FRYL: variants seen among roughly 807,000 people sequenced by gnomAD.
FRYL encodes the protein protein furry homolog-like.
In FRYL, 150 loss-of-function variants were observed where a neutral mutation model predicts 351.2. The ratio of observed to expected loss-of-function variants is 0.43; its 90% CI spans 0.37 to 0.49. FRYL has a LOEUF of 0.49. Ranked by LOEUF, FRYL falls within the 20% of genes least tolerant of loss-of-function variation. The pLI, the probability that FRYL is intolerant of heterozygous loss-of-function variation, is 0.00. For missense variants in FRYL, 3,036 were observed against 3,619.3 expected, an observed-to-expected ratio of 0.84 and a Z score of 4.13; for synonymous variants, 1,153 against 1,257.1, an observed-to-expected ratio of 0.92 and a Z score of 1.75.
chr4:48,498,715 C>T lies in FRYL; in HGVS notation c.*707G>A, dbSNP rs1718916393. ...TGAAGAGTTAGATCTAATAAAATAA[C>T]ATTTCTTCAAAAATAATCTTGCAGT... is the stretch of plus-strand genomic sequence containing the variant. On this transcript the variant is annotated 3_prime_UTR_variant, in exon 64 of 64. Transcript: ENST00000358350. The T allele has an allele frequency of 6.6e-6, 1 of 152,508 alleles. No individual in the cohort carries two copies. The highest frequency in any genetic ancestry group is 1.5e-5 in the Non-Finnish European group (1 of 68,026). The allele number at this position is 152,508 out of a possible 1,614,324, so 9.4% of individuals were successfully genotyped here. A position where few individuals can be genotyped will look rare whatever the true frequency, so the allele number is the denominator to read the frequency against.
intron 13 of FRYL, chr4:48,598,691 A>T: frequency 5.6e-6 from 1 of 179,046 alleles, no homozygotes; most frequent in Non-Finnish European, 1.1e-5. Flanking sequence ...GCTGTGTGCT[A>T]CTCTTCTCTT....
chr4:48,587,791 C>T (rs752240762), intron 18 of FRYL, among the ~76,000 whole-genome samples: 6 of 152,046 alleles, frequency 3.9e-5, no homozygotes, highest in African/African-American at 1.2e-4. Flanking sequence ...GTGATACATA[C>T]GCCTCGGCCT....
At chr4:48,627,516 T>G (rs555467304) in intron 4 of FRYL, among the ~76,000 whole-genome samples, 1 of 152,166 alleles carries the variant, frequency 6.6e-6, no homozygotes, top group African/African-American at 2.4e-5. Context: ...TTCTGAAGAT[T>G]TGACATCCTC....
chr4:48,557,315 T>G, intron 34 of FRYL, 138 bp downstream of exon 34: 2 of 1,243,538 alleles, frequency 1.6e-6, no homozygotes, highest in South Asian at 1.6e-5. Flanking sequence ...TAAAAAAAAT[T>G]CATATCTAAT....
chr4:48,772,683 A>G (rs1348332271), intron 1 of FRYL, among the ~76,000 whole-genome samples: 2 of 134,428 alleles, frequency 1.5e-5, no homozygotes, highest in Non-Finnish European at 3.0e-5. Context: ...ACCTACCAAA[A>G]AAAAAAAAAA....
In FRYL at chr4:48,679,783, G is replaced by C. The variant is rs189097592; in HGVS notation, c.-81+4890C>G. On this transcript the variant is annotated intron_variant, in intron 3 of 63. Coordinates refer to ENST00000358350, the MANE Select transcript of FRYL (RefSeq NM_015030.2). ...ACTGTAAGTATCAAAACATCGCTAT[G>C]TAACCCATGAATATGTACAATTATG... is the stretch of plus-strand genomic sequence containing the variant. Among the ~76,000 whole-genome samples, 213 of 152,086 alleles carry C rather than the reference G, an allele frequency of 1.4e-3. 1 individual carries two copies. The highest frequency in any genetic ancestry group is 4.6e-3 in the African/African-American group (189 of 41,518).
At position 48,567,539 on chromosome 4, in the gene FRYL, G is replaced by GC. The variant is rs2149089318; in HGVS notation, c.2997-120dup. 3.2e-6 allele frequency: 2 copies of GC among 623,714 alleles called. No individual in the cohort carries two copies. The highest frequency in any genetic ancestry group is 5.2e-6 in the Non-Finnish European group (2 of 387,142). The allele number at this position is 623,714 out of a possible 1,614,324, so 38.6% of individuals were successfully genotyped here. ...TAATTTTGCATGCTCATGGCAGCAC[G>GC]CAACTTAATATATGAAAATTAAATG... is the stretch of plus-strand genomic sequence containing the variant. On this transcript the variant is annotated intron_variant, in intron 27 of 63. Coordinates refer to ENST00000358350, the MANE Select transcript of FRYL (RefSeq NM_015030.2). The surrounding 1 kb of genome is among the most constrained non-coding windows in gnomAD (Gnocchi z 4.2).
At chr4:48,711,012 A>G (rs1017654665) in intron 1 of FRYL, among the ~76,000 whole-genome samples, 1 of 152,256 alleles carries the variant, frequency 6.6e-6, no homozygotes, top group African/African-American at 2.4e-5. Flanking sequence ...CCTTGCCATG[A>G]AAAGGAATAA....
chr4:48,590,922 G>A, intron 16 of FRYL, 92 bp from the exon 17 acceptor site: 2 of 932,810 alleles, frequency 2.1e-6, no homozygotes, highest in Non-Finnish European at 1.6e-6. Context: ...CATCAGAGTT[G>A]GGGGGTGGAA....
intron 1 of FRYL, among the ~76,000 whole-genome samples, chr4:48,749,531 G>T (rs1773036429): frequency 6.6e-6 from 1 of 152,172 alleles, no homozygotes; most frequent in South Asian, 2.1e-4. Flanking sequence ...GCCTTGTCGG[G>T]ATCCTGGAAG....
chr4:48,502,920 T>G, intron 60 of FRYL, 75 bp from the exon 61 acceptor site: 1 of 1,146,246 alleles, frequency 8.7e-7, no homozygotes, highest in Non-Finnish European at 1.3e-6. Flanking sequence ...AGAAATCATT[T>G]TAACTAGGGT....
At chr4:48,532,272 A>G (rs916137881) in intron 49 of FRYL, among the ~76,000 whole-genome samples, 3 of 152,250 alleles carry the variant, frequency 2.0e-5, no homozygotes, top group African/African-American at 7.2e-5. Flanking sequence ...TTGAGTTCAT[A>G]ACATCTTGCT....
At chr4:48,564,502 T>C (rs1420949924) in intron 30 of FRYL, among the ~76,000 whole-genome samples, 2 of 152,176 alleles carry the variant, frequency 1.3e-5, no homozygotes, top group Non-Finnish European at 2.9e-5. Flanking sequence ...CTATTTTAAA[T>C]TGTGAAGTCT....
At chr4:48,675,354 C>T (rs1210539853) in intron 3 of FRYL, among the ~76,000 whole-genome samples, 7 of 152,210 alleles carry the variant, frequency 4.6e-5, no homozygotes, top group Non-Finnish European at 1.0e-4. Flanking sequence ...GAGGCGCGAG[C>T]GGAAACCGGG....
At position 48,525,163 on chromosome 4, in the gene FRYL, GTATATATATA is replaced by G. The variant is rs57457069; in HGVS notation, c.7318-2069_7318-2060del. ...ATTCTTGCAACTTTTATTTTTAAAG[GTATATATATA>G]TATATATATATATATATATATATAC... is the stretch of plus-strand genomic sequence containing the variant. On this transcript the variant is annotated intron_variant, in intron 53 of 63. Transcript: ENST00000358350. Among the ~76,000 whole-genome samples the G allele has an allele frequency of 1.3e-3, 181 of 139,926 alleles. 2 individuals are homozygous for G. Among genetic ancestry groups the G allele is most frequent in the African/African-American group, 4.7e-3 (167 of 35,310 alleles). 91.8% of individuals were successfully genotyped at this position (139,926 alleles called of 152,430 possible). A position where few individuals can be genotyped will look rare whatever the true frequency, so the allele number is the denominator to read the frequency against.
chr4:48,599,507 ATATT>A (rs1745275845), intron 13 of FRYL, among the ~76,000 whole-genome samples: 1 of 152,234 alleles, frequency 6.6e-6, no homozygotes, highest in African/African-American at 2.4e-5. Context: ...GAAATTCATC[ATATT>A]TATTCTTATG....
At chr4:48,634,729 A>T (rs1753895709) in intron 3 of FRYL, among the ~76,000 whole-genome samples, 1 of 152,116 alleles carries the variant, frequency 6.6e-6, no homozygotes, top group Non-Finnish European at 1.5e-5. Flanking sequence ...AAGAACAGGG[A>T]TTCTCTTTTG....
At chr4:48,677,244 C>T (rs1417870145) in intron 3 of FRYL, among the ~76,000 whole-genome samples, 1 of 152,204 alleles carries the variant, frequency 6.6e-6, no homozygotes, top group East Asian at 1.9e-4. Flanking sequence ...TTTGTTAAAT[C>T]ATAAGCATCT....
Position 48,567,130 on chromosome 4 carries a change from T to C in FRYL, c.3169+118A>G. 1 of 744,362 alleles carries C rather than the reference T, an allele frequency of 1.3e-6. No individual in the cohort carries two copies. Among genetic ancestry groups the C allele is most frequent in the South Asian group, 2.3e-5 (1 of 42,622 alleles). 46.1% of individuals were successfully genotyped at this position (744,362 alleles called of 1,614,324 possible). On this transcript the variant is annotated intron_variant, in intron 28 of 63. Coordinates refer to ENST00000358350, the MANE Select transcript of FRYL (RefSeq NM_015030.2). The surrounding 1 kb of genome is among the most constrained non-coding windows in gnomAD (Gnocchi z 4.2). Reference sequence around the variant, plus strand: ...TCCAGCCATCCAGGTTATGCTGACATATTTTTCCAGTATGTTCATACGTTA... The same window carrying C: ...TCCAGCCATCCAGGTTATGCTGACACATTTTTCCAGTATGTTCATACGTTA...
Sources: gnomAD v4.1 joint callset for allele counts (sites outside exome capture counted in the v4.1 genomes callset) on GRCh38, gnomAD v4.1.1 for gene constraint, Gnocchi (gnomAD v3.1) non-coding constraint, MANE v1.5 for transcripts, NCBI Gene and HGNC (gene_info 2026-07-23, HGNC 2026-07-21) for gene names.